ADORA2B: variants seen among roughly 807,000 people sequenced by gnomAD.
ADORA2B encodes adenosine receptor A2b.
A neutral mutation model predicts 20.8 loss-of-function variants in ADORA2B; 18 were observed. The ratio of observed to expected loss-of-function variants is 0.87; its 90% CI spans 0.60 to 1.29. ADORA2B has a LOEUF of 1.29. Among genes scored for constraint, ADORA2B ranks in the 50% most tolerant of loss-of-function variants. The pLI, the probability that ADORA2B is intolerant of heterozygous loss-of-function variation, is 0.00. For missense variants in ADORA2B, 441 were observed against 422.7 expected (o/e 1.04, Z -0.38); for synonymous variants, 179 against 178.3 (o/e 1.00, Z -0.03).
the ADORA2B span, among the ~76,000 whole-genome samples, chr17:15,874,054 ATATATGTGTG>A: frequency 1.7e-3 from 202 of 118,228 alleles, no homozygotes; most frequent in African/African-American, 6.8e-3. Flanking sequence ...ATATATATAT[ATATATGTGTG>A]TGTGTATATA....
the ADORA2B span, among the ~76,000 whole-genome samples, chr17:15,923,562 G>A: frequency 6.6e-6 from 1 of 150,792 alleles, no homozygotes; most frequent in African/African-American, 2.4e-5. Flanking sequence ...CCACCACCAC[G>A]CCCGACTAAT....
chr17:15,906,652 G>A, the ADORA2B span, among the ~76,000 whole-genome samples: 1 of 152,080 alleles, frequency 6.6e-6, no homozygotes, highest in Non-Finnish European at 1.5e-5. Flanking sequence ...TCCATTTTTT[G>A]AAGAGATTTT....
the ADORA2B span, among the ~76,000 whole-genome samples, chr17:15,900,960 T>C: frequency 6.6e-6 from 1 of 152,076 alleles, no homozygotes; most frequent in African/African-American, 2.4e-5. Flanking sequence ...GTAAAAACAG[T>C]CAGAACGTGT....
the ADORA2B span, among the ~76,000 whole-genome samples, chr17:15,904,426 C>A: frequency 2.8e-5 from 4 of 144,810 alleles, no homozygotes; most frequent in South Asian, 2.2e-4. Context: ...CGGAGTCTCT[C>A]CCTGTTGCCC....
At chr17:15,965,061 A>AAAAC (rs147050441) in intron 1 of ADORA2B, among the ~76,000 whole-genome samples, 1 of 150,976 alleles carries the variant, frequency 6.6e-6, no homozygotes. Context: ...CTCTGTCTCA[A>AAAAC]AAACAAACAA....
chr17:15,906,103 T>C, the ADORA2B span, among the ~76,000 whole-genome samples: 1 of 152,258 alleles, frequency 6.6e-6, no homozygotes, highest in Non-Finnish European at 1.5e-5. Flanking sequence ...CATTTATTTC[T>C]TTTTCATGCC....
chr17:15,893,160 C>T, the ADORA2B span, among the ~76,000 whole-genome samples: 4 of 152,180 alleles, frequency 2.6e-5, no homozygotes, highest in Non-Finnish European at 4.4e-5. Context: ...CTGTGTATTA[C>T]ACAATATTTG....
chr17:15,900,222 T>C, the ADORA2B span, among the ~76,000 whole-genome samples: 1 of 152,314 alleles, frequency 6.6e-6, no homozygotes, highest in East Asian at 1.9e-4. Context: ...TGAACATACA[T>C]GTGCATTTGT....
chr17:15,893,216 TG>T, the ADORA2B span, among the ~76,000 whole-genome samples: 1 of 152,244 alleles, frequency 6.6e-6, no homozygotes, highest in Non-Finnish European at 1.5e-5. Flanking sequence ...ATGCTTGGAA[TG>T]TTAACCTTTT....
the ADORA2B span, among the ~76,000 whole-genome samples, chr17:15,880,129 G>A: frequency 2.8e-5 from 4 of 143,212 alleles, no homozygotes; most frequent in Admixed American, 7.0e-5. Flanking sequence ...CATCGACCCC[G>A]GTGCCTCAGT....
At chr17:15,930,073 A>G in the ADORA2B span, among the ~76,000 whole-genome samples, 2 of 152,180 alleles carry the variant, frequency 1.3e-5, no homozygotes. Context: ...CAGTTGACAG[A>G]CGGCTGCAGC....
chr17:15,851,336 G>C, the ADORA2B span, among the ~76,000 whole-genome samples: 1 of 149,464 alleles, frequency 6.7e-6, no homozygotes, highest in African/African-American at 2.5e-5. Context: ...TCCAGTAAAG[G>C]AGCTTCTGTT....
At position 15,974,723 on chromosome 17, in the gene ADORA2B, C is replaced by T; in HGVS notation, c.380C>T (p.Ala127Val). ...GGGACCCGAGCAAGAGGGGTCATTG[C>T]TGTCCTCTGGGTCCTTGCCTTTGGC... ...VTGTRARGVI[A>V]VLWVLAFGIG... Residue 127 changes from alanine (A) to valine (V), a missense_variant, in exon 2 of 2, where the codon GCT becomes GTT. Ala to Val is a moderately conservative substitution (Grantham distance 64, BLOSUM62 0). Coordinates refer to ENST00000304222, the MANE Select transcript of ADORA2B (RefSeq NM_000676.4). The T allele has an allele frequency of 6.2e-7, 1 of 1,614,140 alleles. No homozygotes were observed. Among genetic ancestry groups the T allele is most frequent in the Non-Finnish European group, 8.5e-7 (1 of 1,180,030 alleles).
intron 1 of ADORA2B, among the ~76,000 whole-genome samples, chr17:15,948,193 C>A (rs1443409431): frequency 3.9e-5 from 1 of 25,682 alleles, no homozygotes; most frequent in East Asian, 4.3e-3. Flanking sequence ...CCGCAGAGAC[C>A]ACAGCCCCCA....
chr17:15,897,939 G>A, the ADORA2B span, among the ~76,000 whole-genome samples: 1 of 152,058 alleles, frequency 6.6e-6, no homozygotes, highest in Admixed American at 6.6e-5. Flanking sequence ...AATATTGAAT[G>A]TAAATATTTC....
the ADORA2B span, among the ~76,000 whole-genome samples, chr17:15,905,627 A>G: frequency 6.6e-6 from 1 of 151,610 alleles, no homozygotes; most frequent in Non-Finnish European, 1.5e-5. Flanking sequence ...TGATCTGCCC[A>G]CCTCAGCCTC....
the ADORA2B span, among the ~76,000 whole-genome samples, chr17:15,876,449 C>CTTTTTT: frequency 4.4e-4 from 52 of 119,296 alleles, no homozygotes; most frequent in Non-Finnish European, 5.6e-4. Flanking sequence ...TTTCTTTTTT[C>CTTTTTT]TTTTTTTTTT....
upstream of ADORA2B, among the ~76,000 whole-genome samples, chr17:15,942,374 A>G (rs188144045): frequency 2.0e-5 from 3 of 152,056 alleles, no homozygotes; most frequent in Admixed American, 6.5e-5. Flanking sequence ...CTCTGCCACT[A>G]GTAAAGCTCC....
At chr17:15,862,179 C>G in the ADORA2B span, among the ~76,000 whole-genome samples, 1 of 143,206 alleles carries the variant, frequency 7.0e-6, no homozygotes. Flanking sequence ...TCCCTTCTCC[C>G]TTTTTTTTTT....
Sources: allele counts gnomAD v4.1 joint callset (sites outside exome capture counted in the v4.1 genomes callset), GRCh38; gene constraint gnomAD v4.1.1; transcripts MANE v1.5; gene names NCBI Gene and HGNC (gene_info 2026-07-23, HGNC 2026-07-21).